Variants in KLHL4 observed in about 807,000 individuals in gnomAD.
KLHL4 encodes the protein kelch-like protein 4.
KLHL4 carries 17 observed loss-of-function variants against 45.8 expected under a neutral mutation model. That is an observed-to-expected ratio of 0.37 (90% CI 0.25 to 0.56). The LOEUF (loss-of-function observed/expected upper bound fraction) is 0.56, where lower values mean the gene tolerates loss of function less well. KLHL4 is among the 20% of genes least tolerant of loss of function. The probability of loss-of-function intolerance (pLI) is 0.79; values close to 1 mark genes in which losing one functional copy is unlikely to be tolerated. For synonymous variants in KLHL4, 224 were observed against 189.9 expected, an observed-to-expected ratio of 1.18 and a Z score of -1.47; for missense variants, 544 against 544.9, an observed-to-expected ratio of 1.00 and a Z score of 0.02.
At chrX:87,642,530 T>C (rs763169253) in intron 9 of KLHL4, among the ~76,000 whole-genome samples, 14 of 111,707 alleles carry the variant, frequency 1.3e-4, no homozygotes, top group African/African-American at 4.2e-4. Flanking sequence ...TCACCAGCAG[T>C]GGATCCAAAC....
Position 87,637,038 on chromosome X carries a change from A to C in KLHL4, c.1925+1263A>C, listed in dbSNP as rs1445164140. Among the ~76,000 whole-genome samples the C allele has an allele frequency of 2.7e-5, 3 of 111,480 alleles. No homozygotes were observed. In the Admixed American group the frequency reaches 2.8e-4, roughly 11 times the overall value. Reference sequence around the variant, plus strand: ...GCCACCTCCTAGCTGGAGGCCAACCAACACAAAACCAGCATACTAAACAAA... The same window carrying C: ...GCCACCTCCTAGCTGGAGGCCAACCCACACAAAACCAGCATACTAAACAAA... On this transcript the variant is annotated intron_variant, in intron 9 of 10. Coordinates refer to ENST00000373119, the MANE Select transcript of KLHL4 (RefSeq NM_019117.5).
chrX:87,631,776 A>AAC (rs1470512629), intron 6 of KLHL4, among the ~76,000 whole-genome samples: 1 of 111,971 alleles, frequency 8.9e-6, no homozygotes, highest in Non-Finnish European at 1.9e-5. Context: ...CACACAAATA[A>AAC]ACACACACAC....
At chrX:87,567,325 A>G (rs1932235041) in intron 1 of KLHL4, among the ~76,000 whole-genome samples, 1 of 112,024 alleles carries the variant, frequency 8.9e-6, no homozygotes, top group African/African-American at 3.2e-5. Flanking sequence ...AGTATTAATT[A>G]GAATGTGGGG....
rs768360769 is a variant in KLHL4 at position 87,633,739 on chromosome X, AT to A, written c.1550-3del. ...CTAGGTGAACCCACATATTATTTTA[AT>A]TTTTTTAGGTGTAGCCACTCTTGAA... On this transcript the variant is annotated splice_polypyrimidine_tract_variant and intron_variant, in intron 7 of 10. Transcript: ENST00000373119. The A allele has an allele frequency of 9.4e-6, 11 of 1,167,770 alleles. No homozygotes were observed. The South Asian group carries it at 1.6e-4, about 17-fold the overall frequency.
At chrX:87,561,211 A>G (rs1398132351) in intron 1 of KLHL4, among the ~76,000 whole-genome samples, 1 of 110,726 alleles carries the variant, frequency 9.0e-6, no homozygotes, top group African/African-American at 3.3e-5. Context: ...CCTAATATGA[A>G]CCAAAACCAG....
intron 9 of KLHL4, among the ~76,000 whole-genome samples, chrX:87,639,090 A>C (rs749470168): frequency 4.1e-4 from 46 of 111,877 alleles, no homozygotes; most frequent in Admixed American, 1.9e-4. Flanking sequence ...CAACAGTTAA[A>C]AAAGACAAAG....
intron 1 of KLHL4, among the ~76,000 whole-genome samples, chrX:87,592,471 C>T (rs1921704416): frequency 9.0e-6 from 1 of 111,474 alleles, no homozygotes; most frequent in African/African-American, 3.3e-5. Flanking sequence ...ATTTACATTC[C>T]CACCAACAGT....
intron 1 of KLHL4, among the ~76,000 whole-genome samples, chrX:87,532,061 C>G (rs1931299386): frequency 9.1e-6 from 1 of 110,319 alleles, no homozygotes; most frequent in Admixed American, 9.7e-5. Context: ...CTGGAGGCAT[C>G]ACACTACCTG....
intron 1 of KLHL4, among the ~76,000 whole-genome samples, chrX:87,571,213 G>T (rs1387934905): frequency 2.7e-5 from 3 of 110,548 alleles, no homozygotes; most frequent in African/African-American, 9.8e-5. Flanking sequence ...CAATTCGTAT[G>T]CATTTTATAG....
Position 87,632,391 on chromosome X carries a change from C to T in KLHL4, c.1506C>T (p.Ile502=), listed in dbSNP as rs1923125432. Residue 502 remains isoleucine (I), a synonymous_variant, in exon 7 of 11, where the codon ATC becomes ATT. Coordinates refer to ENST00000373119, the MANE Select transcript of KLHL4 (RefSeq NM_019117.5). ...AATGTTTTAATCCAGTTGGCAAAAT[C>T]TGGACTGTGATGCCTCCCATGTCAA... is the stretch of plus-strand genomic sequence containing the variant. ...TVECFNPVGK[I]WTVMPPMSTH... is the part of the protein sequence containing the mutation. The T allele has an allele frequency of 3.3e-6, 4 of 1,209,770 alleles. No individual in the cohort carries two copies. Among genetic ancestry groups the T allele is most frequent in the Non-Finnish European group, 4.5e-6 (4 of 893,824 alleles).
At chrX:87,584,437 G>A (rs1921391125) in intron 1 of KLHL4, among the ~76,000 whole-genome samples, 1 of 112,041 alleles carries the variant, frequency 8.9e-6, no homozygotes, top group Admixed American at 9.5e-5. Flanking sequence ...AAAGAGCTGT[G>A]TTGAGGAAAC....
In KLHL4 at chrX:87,613,892, C is replaced by T. The variant is rs777197712; in HGVS notation, c.438C>T (p.His146=). 31 of 1,195,103 alleles carry T rather than the reference C, an allele frequency of 2.6e-5. No homozygotes were observed. The South Asian group carries it at 5.1e-4, about 19-fold the overall frequency. The change falls in exon 2 of 11, where the codon CAC becomes CAT. Residue 146 remains histidine, a synonymous_variant. Transcript: ENST00000373119. ...EDSTARLDTQ[H]SEDMNATRSE... ...TCCTTTTCAGATTAGATACACAACACTCTGAAGACATGAATGCCACCAGAT... is the reference window on the plus strand; with the variant it reads ...TCCTTTTCAGATTAGATACACAACATTCTGAAGACATGAATGCCACCAGAT...
In KLHL4 at chrX:87,557,019, G is replaced by T. The variant is rs1931994216; in HGVS notation, c.422+38704G>T. On this transcript the variant is annotated intron_variant, in intron 1 of 10. Coordinates refer to ENST00000373119, the MANE Select transcript of KLHL4 (RefSeq NM_019117.5). Reference sequence around the variant, plus strand: ...AACAGATGAGCAGAGAATCCATAAGGACAGCCTAGATACTGACAAAGTAGA... The same window carrying T: ...AACAGATGAGCAGAGAATCCATAAGTACAGCCTAGATACTGACAAAGTAGA... Among the ~76,000 whole-genome samples, 5 of 111,636 alleles carry T rather than the reference G, an allele frequency of 4.5e-5. No homozygotes were observed. In the Admixed American group the frequency reaches 4.8e-4, roughly 11 times the overall value.
intron 1 of KLHL4, among the ~76,000 whole-genome samples, chrX:87,543,848 T>A (rs1311846417): frequency 9.0e-6 from 1 of 111,374 alleles, no homozygotes; most frequent in East Asian, 2.9e-4. Context: ...CTGTGAGGTA[T>A]ATGCCCTACT....
Position 87,528,706 on chromosome X carries a change from CAAAAAAAAAAAAAAAAAAAAA to C in KLHL4, c.422+10402_422+10422del, listed in dbSNP as rs1160857135. Among the ~76,000 whole-genome samples, 114 of 31,495 alleles carry C rather than the reference CAAAAAAAAAAAAAAAAAAAAA, an allele frequency of 3.6e-3. 3 individuals are homozygous for C. The South Asian group carries it at 0.21, about 58-fold the overall frequency. The allele number at this position is 31,495 out of a possible 115,157, so 27.3% of individuals were successfully genotyped here. A position where few individuals can be genotyped will look rare whatever the true frequency, so the allele number is the denominator to read the frequency against. On this transcript the variant is annotated intron_variant, in intron 1 of 10. Coordinates refer to ENST00000373119, the MANE Select transcript of KLHL4 (RefSeq NM_019117.5). ...ATTCCAGCCTGGTAACAAAGCGAGA[CAAAAAAAAAAAAAAAAAAAAA>C]AAAAAAAAAAGAGTTCCAGGGAGAA...
intron 6 of KLHL4, among the ~76,000 whole-genome samples, chrX:87,631,991 C>T (rs1203914464): frequency 9.0e-6 from 1 of 111,651 alleles, no homozygotes; most frequent in Non-Finnish European, 1.9e-5. Context: ...TTACATAAAA[C>T]ATTTTATTTT....
intron 1 of KLHL4, among the ~76,000 whole-genome samples, chrX:87,594,700 CAG>C (rs1921781375): frequency 8.9e-6 from 1 of 111,787 alleles, no homozygotes; most frequent in Non-Finnish European, 1.9e-5. Context: ...CACTAGAATT[CAG>C]AGATGACTCC....
In KLHL4 at chrX:87,666,902, A is replaced by T; in HGVS notation, c.*368A>T. On this transcript the variant is annotated 3_prime_UTR_variant, in exon 11 of 11. Transcript: ENST00000373119. ...CAAGGTAAGAGCCTTAAAAGTTAAA[A>T]ACATTTTCAGTTTTTTTTTAAAAAA... 1 of 719,272 alleles carries T rather than the reference A, an allele frequency of 1.4e-6. No homozygotes were observed. The allele number at this position is 719,272 out of a possible 1,213,427, so 59.3% of individuals were successfully genotyped here.
At chrX:87,627,249 G>A (rs1922959188) in intron 6 of KLHL4, among the ~76,000 whole-genome samples, 2 of 111,100 alleles carry the variant, frequency 1.8e-5, no homozygotes. Context: ...CATAGAATGG[G>A]ATAAGAAAGG....
Sources: allele counts gnomAD v4.1 joint callset (sites outside exome capture counted in the v4.1 genomes callset), GRCh38; gene constraint gnomAD v4.1.1; transcripts MANE v1.5; gene names NCBI Gene and HGNC (gene_info 2026-07-23, HGNC 2026-07-21).